The following SNTG1 variants were observed in gnomAD, a reference collection of about 807,000 sequenced individuals.
The protein encoded by SNTG1 is gamma-1-syntrophin.
In SNTG1, 39 loss-of-function variants were observed where a neutral mutation model predicts 74.7. That is an observed-to-expected ratio of 0.52 (90% CI 0.40 to 0.68). The LOEUF (loss-of-function observed/expected upper bound fraction) is 0.68, where lower values mean the gene tolerates loss of function less well. Among genes scored for constraint, SNTG1 ranks in the 30% least tolerant of loss-of-function variants. The pLI is 0.00. For synonymous variants in SNTG1, 254 were observed against 217.1 expected, an observed-to-expected ratio of 1.17 and a Z score of -1.49; for missense variants, 685 against 609.5, an observed-to-expected ratio of 1.12 and a Z score of -1.30.
intron 1 of SNTG1, among the ~76,000 whole-genome samples, chr8:50,169,899 G>A (rs530094924): frequency 1.1e-4 from 17 of 152,284 alleles, no homozygotes; most frequent in Middle Eastern, 3.4e-3. Context: ...TATGCACTGA[G>A]TGTTCACCCA....
chr8:50,508,595 T>A (rs1399618615), intron 9 of SNTG1, among the ~76,000 whole-genome samples: 1 of 152,232 alleles, frequency 6.6e-6, no homozygotes, highest in Non-Finnish European at 1.5e-5. Context: ...TTTCCTGACT[T>A]TTTAATGATC....
At chr8:50,069,126 T>C (rs756166357) in intron 1 of SNTG1, among the ~76,000 whole-genome samples, 7 of 152,170 alleles carry the variant, frequency 4.6e-5, no homozygotes, top group Admixed American at 1.3e-4. Flanking sequence ...ACAGAAAAGG[T>C]TTATAAAGGA....
chr8:50,217,643 G>T (rs749646321), intron 2 of SNTG1, among the ~76,000 whole-genome samples: 1 of 57,372 alleles, frequency 1.7e-5, no homozygotes, highest in Non-Finnish European at 3.0e-5. Context: ...TATATTAAAG[G>T]TTCCATGGTT....
chr8:50,438,405 T>A (rs1438226480), intron 4 of SNTG1, 138 bp from the exon 5 acceptor site: 3 of 616,106 alleles, frequency 4.9e-6, no homozygotes, highest in Non-Finnish European at 8.6e-6. Context: ...GTGGAGGCAC[T>A]ATCCCAGCAC....
intron 9 of SNTG1, among the ~76,000 whole-genome samples, chr8:50,528,493 G>A (rs1032317713): frequency 1.3e-5 from 2 of 151,798 alleles, no homozygotes; most frequent in African/African-American, 4.8e-5. Flanking sequence ...TGCATTTCTA[G>A]AATAAATACC....
chr8:50,048,945 G>A (rs1819329017), intron 1 of SNTG1, among the ~76,000 whole-genome samples: 1 of 151,810 alleles, frequency 6.6e-6, no homozygotes, highest in African/African-American at 2.4e-5. Context: ...ATTGATGCAG[G>A]CAAGAACTCT....
At chr8:50,335,044 C>T (rs1003874633) in intron 2 of SNTG1, among the ~76,000 whole-genome samples, 4 of 152,100 alleles carry the variant, frequency 2.6e-5, no homozygotes, top group African/African-American at 4.8e-5. Context: ...AATATATATC[C>T]GTTAAATAAT....
chr8:50,276,075 A>T (rs955681313), intron 2 of SNTG1, among the ~76,000 whole-genome samples: 1 of 152,142 alleles, frequency 6.6e-6, no homozygotes, highest in Non-Finnish European at 1.5e-5. Context: ...TTTTATTTCA[A>T]TATATAACAA....
chr8:50,284,169 T>C (rs959522050), intron 2 of SNTG1, among the ~76,000 whole-genome samples: 2 of 152,110 alleles, frequency 1.3e-5, no homozygotes, highest in African/African-American at 2.4e-5. Context: ...TATTGTTTTA[T>C]TAGAATTTGT....
At chr8:50,524,760 C>T (rs1041795368) in intron 9 of SNTG1, among the ~76,000 whole-genome samples, 5 of 152,032 alleles carry the variant, frequency 3.3e-5, no homozygotes, top group Non-Finnish European at 7.4e-5. Flanking sequence ...TGTGCATAGG[C>T]TATATGCAAA....
chr8:50,365,535 G>A (rs2092085024), intron 2 of SNTG1, among the ~76,000 whole-genome samples: 1 of 151,972 alleles, frequency 6.6e-6, no homozygotes, highest in Admixed American at 6.6e-5. Context: ...CTGATCTAAA[G>A]TATTTAGGAA....
At chr8:50,363,219 C>T (rs138642302) in intron 2 of SNTG1, among the ~76,000 whole-genome samples, 56 of 152,232 alleles carry the variant, frequency 3.7e-4, no homozygotes, top group African/African-American at 1.3e-3. Flanking sequence ...TATGAAGAAA[C>T]TATCAAGTGC....
chr8:50,447,637 A>G (rs1028772346), intron 5 of SNTG1, among the ~76,000 whole-genome samples: 1 of 152,220 alleles, frequency 6.6e-6, no homozygotes, highest in African/African-American at 2.4e-5. Flanking sequence ...GATAGACCAG[A>G]CATTATTCCA....
At chr8:50,549,334 A>T (rs1223160513) in intron 11 of SNTG1, among the ~76,000 whole-genome samples, 1 of 152,112 alleles carries the variant, frequency 6.6e-6, no homozygotes, top group Admixed American at 6.6e-5. Context: ...TCACAAACCC[A>T]AGGGGCCTCT....
intron 8 of SNTG1, among the ~76,000 whole-genome samples, chr8:50,461,121 TG>T (rs2093557215): frequency 6.6e-6 from 1 of 151,090 alleles, no homozygotes; most frequent in African/African-American, 2.4e-5. Flanking sequence ...CTGGCCAGGT[TG>T]TTTTGTAGAA....
chr8:50,154,494 G>T (rs1398075758), intron 1 of SNTG1, among the ~76,000 whole-genome samples: 1 of 152,158 alleles, frequency 6.6e-6, no homozygotes, highest in African/African-American at 2.4e-5. Flanking sequence ...AGTTGGAAGT[G>T]CAGAAATCAC....
At chr8:50,400,358 C>A (rs1313337020) in intron 3 of SNTG1, among the ~76,000 whole-genome samples, 3 of 152,114 alleles carry the variant, frequency 2.0e-5, no homozygotes, top group Non-Finnish European at 4.4e-5. Context: ...TTTTTTATGG[C>A]TGAATAGTGT....
chr8:50,409,555 T>C (rs1587514419), intron 4 of SNTG1, among the ~76,000 whole-genome samples: 1 of 152,176 alleles, frequency 6.6e-6, no homozygotes, highest in South Asian at 2.1e-4. Flanking sequence ...CGTTGTCAGA[T>C]AGATGTGTTA....
chr8:50,083,156 A>T (rs1358199116), intron 1 of SNTG1, among the ~76,000 whole-genome samples: 1 of 152,176 alleles, frequency 6.6e-6, no homozygotes. Context: ...ATTTTTAACT[A>T]TTCTTAGCTG....
Sources: gnomAD v4.1 joint callset for allele counts (sites outside exome capture counted in the v4.1 genomes callset) on GRCh38, gnomAD v4.1.1 for gene constraint, MANE v1.5 for transcripts, NCBI Gene and HGNC (gene_info 2026-07-23, HGNC 2026-07-21) for gene names.